The following ZNF567 variants were observed in gnomAD, a reference collection of about 807,000 sequenced individuals.
The protein encoded by ZNF567 is zinc finger protein 567.
Under a neutral mutation model 53.9 loss-of-function variants are expected in ZNF567, and 36 were observed. The observed-to-expected ratio is 0.67, with a 90% confidence interval of 0.51 to 0.88. The LOEUF is 0.88. ZNF567 is among the 40% of genes least tolerant of loss of function. The probability of loss-of-function intolerance (pLI) is 0.00; values close to 1 mark genes in which losing one functional copy is unlikely to be tolerated. For missense variants in ZNF567, 619 were observed against 764.7 expected (o/e 0.81, Z 2.25); for synonymous variants, 224 against 260.4 (o/e 0.86, Z 1.35).
intron 2 of ZNF567, among the ~76,000 whole-genome samples, chr19:36,690,493 G>A (rs962678434): frequency 6.6e-6 from 1 of 152,116 alleles, no homozygotes; most frequent in Admixed American, 6.5e-5. Flanking sequence ...AGGAGACTGA[G>A]GTGGGAGGAT....
the ZNF567 span, chr19:36,669,215 CTA>C: frequency 3.3e-5 from 5 of 151,968 alleles, no homozygotes; most frequent in Admixed American, 6.6e-5. Context: ...TGAGGGATGA[CTA>C]TGTGAAAGTG....
At chr19:36,722,082 A>T (rs1191215689), downstream of ZNF567, among the ~76,000 whole-genome samples, 2 of 152,014 alleles carry the variant, frequency 1.3e-5, no homozygotes, top group Non-Finnish European at 2.9e-5. Flanking sequence ...AAGAAATGTA[A>T]GTCTCTGAAA....
At chr19:36,709,704 T>C (rs1167444035) in intron 3 of ZNF567, among the ~76,000 whole-genome samples, 2 of 152,154 alleles carry the variant, frequency 1.3e-5, no homozygotes, top group African/African-American at 4.8e-5. Context: ...CTTCAAGCAG[T>C]CTTCCTGCCT....
chr19:36,705,540 G>A (rs2039446895), intron 3 of ZNF567, among the ~76,000 whole-genome samples: 1 of 152,170 alleles, frequency 6.6e-6, no homozygotes, highest in African/African-American at 2.4e-5. Context: ...TCAGAGCAGA[G>A]TCTATATGAT....
intron 3 of ZNF567, among the ~76,000 whole-genome samples, chr19:36,708,397 G>T (rs1357181635): frequency 3.3e-5 from 5 of 152,146 alleles, no homozygotes. Context: ...TTGCTTTTAA[G>T]TTTTTGTTAG....
chr19:36,703,915 C>G lies in ZNF567; in HGVS notation c.10-8471C>G, dbSNP rs191765947. ...GGCAATGCCTCGCCCTGCTTCGTCTCGCGCATGGTGCGCTGCACCCACTGT... is the reference window on the plus strand; with the variant it reads ...GGCAATGCCTCGCCCTGCTTCGTCTGGCGCATGGTGCGCTGCACCCACTGT... On this transcript the variant is annotated intron_variant, in intron 3 of 5. Coordinates refer to ENST00000682579, the MANE Select transcript of ZNF567 (RefSeq NM_001322917.1). 7.1e-3 allele frequency among the ~76,000 whole-genome samples: 1,088 copies of G among 152,322 alleles called. 12 individuals are homozygous for G. The highest frequency in any genetic ancestry group is 0.024 in the African/African-American group (1,012 of 41,576).
At chr19:36,701,024 A>G (rs1329016993) in intron 3 of ZNF567, among the ~76,000 whole-genome samples, 4 of 151,572 alleles carry the variant, frequency 2.6e-5, no homozygotes, top group African/African-American at 9.7e-5. Flanking sequence ...TAGGGTGTCA[A>G]TTTTGGATCT....
downstream of ZNF567, among the ~76,000 whole-genome samples, chr19:36,722,649 A>T (rs908991864): frequency 3.9e-5 from 6 of 152,232 alleles, no homozygotes; most frequent in Non-Finnish European, 8.8e-5. Flanking sequence ...ATCTGCATAA[A>T]CAGAAAGATG....
chr19:36,714,247 C>T (rs113450709), intron 5 of ZNF567: 2 of 286,714 alleles, frequency 7.0e-6, no homozygotes, highest in Admixed American at 5.2e-5. Flanking sequence ...CTGCAACCTC[C>T]GCCTCCCAGG....
At chr19:36,671,290 A>G in the ZNF567 span, among the ~76,000 whole-genome samples, 1 of 152,178 alleles carries the variant, frequency 6.6e-6, no homozygotes, top group African/African-American at 2.4e-5. Context: ...TGAAATTCCC[A>G]GAGGTCGGGT....
chr19:36,670,498 T>C, the ZNF567 span, among the ~76,000 whole-genome samples: 1 of 152,082 alleles, frequency 6.6e-6, no homozygotes, highest in Non-Finnish European at 1.5e-5. Flanking sequence ...AGAAGACAAA[T>C]GGGTCTTGAA....
intron 3 of ZNF567, among the ~76,000 whole-genome samples, chr19:36,704,981 T>C (rs1370743237): frequency 1.3e-5 from 2 of 152,230 alleles, no homozygotes; most frequent in East Asian, 3.8e-4. Context: ...AGTTGTAAAA[T>C]GTATTGGCAT....
At chr19:36,669,248 C>T in the ZNF567 span, 1 of 152,016 alleles carries the variant, frequency 6.6e-6, no homozygotes, top group South Asian at 2.1e-4. Context: ...ATGCTCAAGT[C>T]TCTGGATGAA....
At chr19:36,698,283 C>A (rs2038996893) in intron 3 of ZNF567, among the ~76,000 whole-genome samples, 1 of 151,740 alleles carries the variant, frequency 6.6e-6, no homozygotes, top group Admixed American at 6.6e-5. Context: ...CATAGTATTT[C>A]ATGGTGTATA....
At chr19:36,725,756 C>T (rs754822527), downstream of ZNF567, among the ~76,000 whole-genome samples, 2 of 152,108 alleles carry the variant, frequency 1.3e-5, no homozygotes, top group Non-Finnish European at 2.9e-5. Context: ...TTAAGCGATC[C>T]TCCCACCTCA....
rs547758120 is a variant in ZNF567, at chr19:36,720,393, G to A, written c.1669G>A (p.Gly557Ser). 17 of 1,614,078 alleles carry A rather than the reference G, an allele frequency of 1.1e-5. No individual in the cohort carries two copies. The highest frequency in any genetic ancestry group is 2.2e-5 in the East Asian group (1 of 44,876). The change falls in exon 6 of 6, where the codon GGC becomes AGC. Residue 557 changes from glycine (G) to serine (S), a missense_variant. Transcript: ENST00000682579. ...CACTGTACATCAGAAAATACATACCGGCCAGAAATCCTATGAATGTCCTCA... is the reference window on the plus strand; with the variant it reads ...CACTGTACATCAGAAAATACATACCAGCCAGAAATCCTATGAATGTCCTCA... ...TLTVHQKIHT[G>S]QKSYECPQCG...
At chr19:36,679,264 C>T in the ZNF567 span, among the ~76,000 whole-genome samples, 2 of 152,250 alleles carry the variant, frequency 1.3e-5, no homozygotes, top group South Asian at 2.1e-4. Context: ...CCAGCCTGGG[C>T]GACAGCGCGA....
the ZNF567 span, among the ~76,000 whole-genome samples, chr19:36,682,591 T>C: frequency 6.7e-6 from 1 of 148,404 alleles, no homozygotes; most frequent in Admixed American, 6.8e-5. Flanking sequence ...TTTTTTATTA[T>C]TTTATTATTA....
In ZNF567 at chr19:36,721,095, G is replaced by A. The variant is rs2040287493; in HGVS notation, c.*427G>A. On this transcript the variant is annotated 3_prime_UTR_variant, in exon 6 of 6. Coordinates refer to ENST00000682579, the MANE Select transcript of ZNF567 (RefSeq NM_001322917.1). Reference sequence around the variant, plus strand: ...CCGTAGCCTATAACATCAAAACGTAGTTTTTGCATGTTTTCAATTTTATAA... The same window carrying A: ...CCGTAGCCTATAACATCAAAACGTAATTTTTGCATGTTTTCAATTTTATAA... 6.6e-6 allele frequency: 1 copy of A among 152,168 alleles called. No individual in the cohort carries two copies. Among genetic ancestry groups the A allele is most frequent in the Non-Finnish European group, 1.5e-5 (1 of 68,090 alleles). 9.4% of individuals were successfully genotyped at this position (152,168 alleles called of 1,614,324 possible). A position where few individuals can be genotyped will look rare whatever the true frequency, so the allele number is the denominator to read the frequency against.
Sources: gnomAD v4.1 joint callset for allele counts (sites outside exome capture counted in the v4.1 genomes callset) on GRCh38, gnomAD v4.1.1 for gene constraint, MANE v1.5 for transcripts, NCBI Gene and HGNC (gene_info 2026-07-23, HGNC 2026-07-21) for gene names.